Variants in CEP78 observed in about 807,000 individuals in gnomAD.
The protein encoded by CEP78 is centrosomal protein of 78 kDa.
A neutral mutation model predicts 81.2 loss-of-function variants in CEP78; 76 were observed. That is an observed-to-expected ratio of 0.94 (90% CI 0.78 to 1.13). CEP78 has a LOEUF of 1.13. Among genes scored for constraint, CEP78 ranks in the 50% most tolerant of loss-of-function variants. CEP78 has a pLI of 0.00. For synonymous variants in CEP78, 293 were observed against 301.4 expected (o/e 0.97, Z 0.29); for missense variants, 918 against 846.8 (o/e 1.08, Z -1.04).
chr9:78,276,045 G>T lies in CEP78; in HGVS notation c.*5194G>T, dbSNP rs1026455364. 1 of 152,174 alleles carries T rather than the reference G, an allele frequency of 6.6e-6. No individual in the cohort carries two copies. The highest frequency in any genetic ancestry group is 1.5e-5 in the Non-Finnish European group (1 of 68,036). The allele number at this position is 152,174 out of a possible 1,614,324, so 9.4% of individuals were successfully genotyped here. A position where few individuals can be genotyped will look rare whatever the true frequency, so the allele number is the denominator to read the frequency against. On this transcript the variant is annotated 3_prime_UTR_variant, in exon 17 of 17. Transcript: ENST00000643273. ...AAGGCTCCCTAATTCATTCCATACG[G>T]TTAGCGTAATCCTTATAGCAAACTG...
chr9:78,236,473 C>A lies in CEP78; in HGVS notation c.123C>A (p.Gly41=). ...CCGTGCGCGCCTGTCTCCGGGAGGG[C>A]GTGCTGGATTTCAACGCCGACCGCC... ...LPAVRACLRE[G]VLDFNADRLR... Residue 41 remains glycine, a synonymous_variant, in exon 1 of 17, where the codon GGC becomes GGA. Coordinates refer to ENST00000643273, the MANE Select transcript of CEP78 (RefSeq NM_001330691.3). The A allele has an allele frequency of 6.2e-7, 1 of 1,606,926 alleles. No homozygotes were observed. Among genetic ancestry groups the A allele is most frequent in the Non-Finnish European group, 8.5e-7 (1 of 1,176,892 alleles).
Position 78,251,952 on chromosome 9 carries a change from C to T in CEP78, c.1114C>T (p.Leu372Phe), listed in dbSNP as rs1265117380. 6.2e-7 allele frequency: 1 copy of T among 1,608,334 alleles called. No homozygotes were observed. Among genetic ancestry groups the T allele is most frequent in the Non-Finnish European group, 8.5e-7 (1 of 1,176,070 alleles). Residue 372 changes from leucine to phenylalanine, a missense_variant, in exon 9 of 17, where the codon CTT becomes TTT. Transcript: ENST00000643273. ...TGTAAGTAGTGGCAGAAAACACTCC[C>T]TTGGTAAAGAATATTATGCGCCCGC... ...KPVSSGRKHS[L>F]GKEYYAPAPL...
chr9:78,236,327 A>G lies in CEP78; in HGVS notation c.-24A>G. On this transcript the variant is annotated 5_prime_UTR_variant, in exon 1 of 17. Coordinates refer to ENST00000643273, the MANE Select transcript of CEP78 (RefSeq NM_001330691.3). Reference sequence around the variant, plus strand: ...CGCGGGCGGCGTCTCCGCGGCGGGCATCCCCCGAGGCCGCCCTCGGGCCAT... The same window carrying G: ...CGCGGGCGGCGTCTCCGCGGCGGGCGTCCCCCGAGGCCGCCCTCGGGCCAT... 6.5e-7 allele frequency: 1 copy of G among 1,543,884 alleles called. No homozygotes were observed. Among genetic ancestry groups the G allele is most frequent in the Non-Finnish European group, 8.7e-7 (1 of 1,150,334 alleles).
chr9:78,267,278 A>C (rs1827584239), intron 16 of CEP78, among the ~76,000 whole-genome samples: 1 of 152,176 alleles, frequency 6.6e-6, no homozygotes, highest in Admixed American at 6.5e-5. Context: ...CTTTAATCTC[A>C]AGGAACTAAC....
rs1827856217 is a variant in CEP78 at position 78,279,019 on chromosome 9, C to T, written c.*8168C>T. 6.8e-6 allele frequency: 1 copy of T among 147,536 alleles called. No individual in the cohort carries two copies. Among genetic ancestry groups the T allele is most frequent in the Non-Finnish European group, 1.5e-5 (1 of 67,744 alleles). The allele number at this position is 147,536 out of a possible 1,614,324, so 9.1% of individuals were successfully genotyped here. On this transcript the variant is annotated 3_prime_UTR_variant, in exon 17 of 17. Coordinates refer to ENST00000643273, the MANE Select transcript of CEP78 (RefSeq NM_001330691.3). ...AGGGGCTGAAAGGGCTCAGAGAATG[C>T]CCGAGTTCTCTTAGTACAGTTTGTA...
chr9:78,255,980 A>T (rs764077484), intron 11 of CEP78, among the ~76,000 whole-genome samples: 1 of 152,244 alleles, frequency 6.6e-6, no homozygotes, highest in Non-Finnish European at 1.5e-5. Flanking sequence ...TTCAAGATGC[A>T]CTGAGAATTC....
intron 16 of CEP78, chr9:78,267,042 T>A: frequency 8.4e-7 from 1 of 1,194,522 alleles, no homozygotes; most frequent in East Asian, 4.3e-5. Flanking sequence ...TACCTTTAAA[T>A]TTTAATAAAT....
intron 10 of CEP78, among the ~76,000 whole-genome samples, chr9:78,254,230 T>A (rs553556788): frequency 3.0e-4 from 45 of 152,230 alleles, no homozygotes; most frequent in African/African-American, 9.4e-4. Flanking sequence ...ATTTTTTTTT[T>A]AATTCTAGTT....
Position 78,253,240 on chromosome 9 carries a change from C to A in CEP78, c.1214C>A (p.Pro405Gln). 1.5e-6 allele frequency: 2 copies of A among 1,347,398 alleles called. No individual in the cohort carries two copies. Among genetic ancestry groups the A allele is most frequent in the South Asian group, 1.2e-5 (1 of 81,000 alleles). The allele number at this position is 1,347,398 out of a possible 1,614,324, so 83.5% of individuals were successfully genotyped here. A position where few individuals can be genotyped will look rare whatever the true frequency, so the allele number is the denominator to read the frequency against. Residue 405 changes from proline (P) to glutamine (Q), a missense_variant, in exon 10 of 17, where the codon CCA becomes CAA. Coordinates refer to ENST00000643273, the MANE Select transcript of CEP78 (RefSeq NM_001330691.3). ...AERAKRHRGF[P>Q]LIKTRDICNQ... ...TATCGATATCTTTTTAGGGGTTTCC[C>A]ATTAATCAAAACACGTGATATATGT...
chr9:78,251,126 C>G (rs1826739997), intron 8 of CEP78, among the ~76,000 whole-genome samples: 1 of 152,118 alleles, frequency 6.6e-6, no homozygotes, highest in African/African-American at 2.4e-5. Context: ...ATAGGTAGGT[C>G]TAGCTTTTAC....
intron 8 of CEP78, chr9:78,250,145 A>T (rs1442293631): frequency 5.0e-6 from 2 of 396,786 alleles, no homozygotes; most frequent in Non-Finnish European, 8.9e-6. Context: ...CTTTTTTCTT[A>T]GCATGATTAA....
chr9:78,240,719 G>C (rs1174950199), intron 3 of CEP78, among the ~76,000 whole-genome samples: 1 of 152,126 alleles, frequency 6.6e-6, no homozygotes, highest in Non-Finnish European at 1.5e-5. Flanking sequence ...CCAGCAATTT[G>C]GGAGGCCGAC....
At chr9:78,265,753 C>T (rs1014716306) in intron 14 of CEP78, 106 bp from the exon 15 acceptor site, 4 of 763,192 alleles carry the variant, frequency 5.2e-6, no homozygotes, top group Non-Finnish European at 8.6e-6. Context: ...TCTTTTGAAA[C>T]TTTATGATTT....
chr9:78,236,349 C>T lies in CEP78; in HGVS notation c.-2C>T, dbSNP rs899263613. 1.9e-6 allele frequency: 3 copies of T among 1,569,020 alleles called. No homozygotes were observed. Among genetic ancestry groups the T allele is most frequent in the Admixed American group, 3.6e-5 (2 of 54,972 alleles). ...GGCATCCCCCGAGGCCGCCCTCGGG[C>T]CATGATCGACTCCGTGAAGCTGCGC... On this transcript the variant is annotated 5_prime_UTR_variant, in exon 1 of 17. Coordinates refer to ENST00000643273, the MANE Select transcript of CEP78 (RefSeq NM_001330691.3).
intron 4 of CEP78, 79 bp from the exon 5 acceptor site, chr9:78,243,383 A>C: frequency 1.7e-6 from 2 of 1,197,206 alleles, no homozygotes; most frequent in Non-Finnish European, 2.4e-6. Flanking sequence ...CTCTGATGTA[A>C]TCAGCTGTAC....
intron 12 of CEP78, 141 bp from the exon 13 acceptor site, chr9:78,264,009 T>C: frequency 2.1e-6 from 1 of 476,978 alleles, no homozygotes. Flanking sequence ...TGTTATTTAA[T>C]ATGGTCTGTC....
chr9:78,270,635 T>C (rs1258103850), intron 16 of CEP78, among the ~76,000 whole-genome samples: 1 of 152,196 alleles, frequency 6.6e-6, no homozygotes, highest in African/African-American at 2.4e-5. Flanking sequence ...TCATCACTCT[T>C]GCTTGCCCAT....
Position 78,243,711 on chromosome 9 carries a change from A to G in CEP78, c.778+75A>G, listed in dbSNP as rs897299776. The G allele has an allele frequency of 4.9e-6, 6 of 1,213,726 alleles. No homozygotes were observed. In the African/African-American group the frequency reaches 9.3e-5, roughly 19 times the overall value. The allele number at this position is 1,213,726 out of a possible 1,614,324, so 75.2% of individuals were successfully genotyped here. A position where few individuals can be genotyped will look rare whatever the true frequency, so the allele number is the denominator to read the frequency against. On this transcript the variant is annotated intron_variant, in intron 5 of 16. Transcript: ENST00000643273. ...AAATATGCTTAACTCTTGGCACAGT[A>G]ATGTTGTCCGAAGGTTTTTTAAAAA...
rs987469600 is a variant in CEP78 at position 78,275,297 on chromosome 9, A to G, written c.*4446A>G. The G allele has an allele frequency of 2.0e-5, 3 of 152,216 alleles. No individual in the cohort carries two copies. The highest frequency in any genetic ancestry group is 7.2e-5 in the African/African-American group (3 of 41,466). The allele number at this position is 152,216 out of a possible 1,614,324, so 9.4% of individuals were successfully genotyped here. ...ACATCTTAGGAGAAATTGAAAAAAT[A>G]GGACAAGAACTTATTTTTAAAAAGA... On this transcript the variant is annotated 3_prime_UTR_variant, in exon 17 of 17. Transcript: ENST00000643273.
Sources: allele counts gnomAD v4.1 joint callset (sites outside exome capture counted in the v4.1 genomes callset), GRCh38; gene constraint gnomAD v4.1.1; transcripts MANE v1.5; gene names NCBI Gene and HGNC (gene_info 2026-07-23, HGNC 2026-07-21).